The following FAM135A variants were observed in gnomAD, a reference collection of about 807,000 sequenced individuals.
FAM135A encodes the protein protein FAM135A.
In FAM135A, 79 loss-of-function variants were observed where a neutral mutation model predicts 146.8. That is an observed-to-expected ratio of 0.54 (90% CI 0.45 to 0.65). FAM135A has a LOEUF of 0.65. Ranked by LOEUF, FAM135A falls within the 30% of genes least tolerant of loss-of-function variation. The pLI is 0.00. For synonymous variants in FAM135A, 562 were observed against 603.6 expected (o/e 0.93, Z 1.01); for missense variants, 1,623 against 1,758.2 (o/e 0.92, Z 1.38).
At position 70,475,661 on chromosome 6, in the gene FAM135A, A is replaced by C; in HGVS notation, c.298-2A>C. ...GTATCTCATAGTGTAATTTCTTTTC[A>C]GATTGAAGAAACCCTTGAGGAAATG... is the stretch of plus-strand genomic sequence containing the variant. On this transcript the variant is annotated splice_acceptor_variant, in intron 6 of 21. Transcript: ENST00000418814. LOFTEE classifies it high-confidence loss of function. 6.2e-7 allele frequency: 1 copy of C among 1,607,670 alleles called. No individual in the cohort carries two copies. Among genetic ancestry groups the C allele is most frequent in the Non-Finnish European group, 8.5e-7 (1 of 1,177,396 alleles).
At chr6:70,487,353 A>G (rs1274149896) in intron 10 of FAM135A, among the ~76,000 whole-genome samples, 1 of 152,138 alleles carries the variant, frequency 6.6e-6, no homozygotes, top group East Asian at 1.9e-4. Flanking sequence ...ATAATTTATT[A>G]TCTATGAGTA....
chr6:70,434,343 G>A lies in FAM135A; in HGVS notation c.77+5924G>A, dbSNP rs1351954904. Among the ~76,000 whole-genome samples, 12 of 152,264 alleles carry A rather than the reference G, an allele frequency of 7.9e-5. No individual in the cohort carries two copies. The East Asian group carries it at 1.5e-3, about 20-fold the overall frequency. On this transcript the variant is annotated intron_variant, in intron 4 of 21. Transcript: ENST00000418814. ...AAGTGGGGGAAATTTTTCTTTGTTT[G>A]GAGATGATTGCAAAATTGTTGAAGT...
intron 5 of FAM135A, among the ~76,000 whole-genome samples, chr6:70,458,166 TAGA>T (rs1405194421): frequency 2.6e-5 from 4 of 152,126 alleles, no homozygotes; most frequent in South Asian, 2.1e-4. Context: ...TAGAAGTTTT[TAGA>T]AGATTATATA....
intron 2 of FAM135A, among the ~76,000 whole-genome samples, chr6:70,423,789 A>C (rs1769392679): frequency 6.6e-6 from 1 of 152,180 alleles, no homozygotes; most frequent in Non-Finnish European, 1.5e-5. Context: ...TGTTGATAAT[A>C]TTCCTATATT....
chr6:70,422,171 G>T (rs1768992849), intron 2 of FAM135A, among the ~76,000 whole-genome samples: 1 of 151,936 alleles, frequency 6.6e-6, no homozygotes, highest in Admixed American at 6.6e-5. Flanking sequence ...TCACCTTTAG[G>T]GACAAAAAAG....
chr6:70,470,949 C>A (rs1487675211), intron 5 of FAM135A, among the ~76,000 whole-genome samples: 3 of 152,060 alleles, frequency 2.0e-5, no homozygotes, highest in Non-Finnish European at 4.4e-5. Flanking sequence ...AAATAAGAAA[C>A]AAATTTATCA....
In FAM135A at chr6:70,559,808, T is replaced by A; in HGVS notation, c.4435T>A (p.Leu1479Met). 2 of 1,614,144 alleles carry A rather than the reference T, an allele frequency of 1.2e-6. No individual in the cohort carries two copies. Among genetic ancestry groups the A allele is most frequent in the Non-Finnish European group, 1.7e-6 (2 of 1,179,996 alleles). ...GGTTCGCTATAATGTCATCAATGCA[T>A]TGCCCAATACAGCTGATTCACTCAT... ...NLVRYNVINALPNTADSLIGR... is the reference protein window; with the variant it reads ...NLVRYNVINAMPNTADSLIGR... The change falls in exon 22 of 22, where the codon TTG becomes ATG. Residue 1479 changes from leucine to methionine, a missense_variant. By Grantham distance (15) the Leu-to-Met change is conservative. Transcript: ENST00000418814.
rs574415039 is a variant in FAM135A, at chr6:70,525,797, A to C, written c.2713A>C (p.Asn905His). ...QSVVFSGNLD[N>H]ETVAIHSLNS... ...TGTTGTATTTTCAGGGAACTTGGAC[A>C]ATGAAACTGTAGCAATACATTCCTT... is the stretch of plus-strand genomic sequence containing the variant. Residue 905 changes from asparagine to histidine, a missense_variant, in exon 15 of 22, where the codon AAT (asparagine) becomes CAT (histidine). Around this residue, in one of 7 missense-constraint regions of FAM135A, gnomAD observed 1,061 missense variants for 1,113.8 expected, o/e 0.95. Coordinates refer to ENST00000418814, the MANE Select transcript of FAM135A (RefSeq NM_001162529.3). 13 of 1,613,294 alleles carry C rather than the reference A, an allele frequency of 8.1e-6. 1 individual carries two copies. The Admixed American group carries it at 1.7e-4, about 21-fold the overall frequency.
intron 20 of FAM135A, among the ~76,000 whole-genome samples, chr6:70,550,017 G>A (rs1180276895): frequency 6.6e-6 from 1 of 152,126 alleles, no homozygotes; most frequent in African/African-American, 2.4e-5. Flanking sequence ...TCATCTATAA[G>A]AAGCAACTCT....
chr6:70,552,658 C>G (rs991623260), intron 20 of FAM135A, among the ~76,000 whole-genome samples: 5 of 151,746 alleles, frequency 3.3e-5, no homozygotes, highest in African/African-American at 1.2e-4. Context: ...TTGGTAGAGA[C>G]GGGGTTTCAC....
chr6:70,536,643 A>AT (rs893818532), intron 19 of FAM135A, among the ~76,000 whole-genome samples: 2 of 152,068 alleles, frequency 1.3e-5, no homozygotes, highest in African/African-American at 2.4e-5. Flanking sequence ...TCACAAGAGC[A>AT]TTTTTTTCTT....
intron 15 of FAM135A, 152 bp from the exon 16 acceptor site, chr6:70,528,140 G>C: frequency 1.8e-6 from 1 of 569,974 alleles, no homozygotes; most frequent in Non-Finnish European, 2.9e-6. Flanking sequence ...ATTACTCTCT[G>C]ATTTCTAAAT....
chr6:70,517,452 C>G (rs916504520), intron 12 of FAM135A, among the ~76,000 whole-genome samples: 1 of 121,724 alleles, frequency 8.2e-6, no homozygotes, highest in African/African-American at 3.1e-5. Context: ...GAGTTTTGCT[C>G]TTGTCACCCA....
intron 4 of FAM135A, among the ~76,000 whole-genome samples, chr6:70,434,261 TA>T (rs1417544467): frequency 3.9e-5 from 6 of 152,212 alleles, no homozygotes; most frequent in Non-Finnish European, 8.8e-5. Flanking sequence ...CTCATTGGCA[TA>T]AAGGATAAGA....
At chr6:70,414,525 A>G (rs1047365307) in intron 1 of FAM135A, among the ~76,000 whole-genome samples, 22 of 91,048 alleles carry the variant, frequency 2.4e-4, no homozygotes, top group African/African-American at 8.3e-4. Context: ...TCCCCCCCCC[A>G]TTTGTATAAG....
chr6:70,550,903 C>G (rs764703856), intron 20 of FAM135A, among the ~76,000 whole-genome samples: 3 of 152,220 alleles, frequency 2.0e-5, no homozygotes, highest in Non-Finnish European at 4.4e-5. Flanking sequence ...CATAGCTTCT[C>G]CATCAGCACT....
intron 5 of FAM135A, among the ~76,000 whole-genome samples, chr6:70,471,282 G>A (rs556917000): frequency 3.5e-4 from 54 of 152,218 alleles, no homozygotes; most frequent in African/African-American, 1.2e-3. Context: ...ATGGATCATA[G>A]GATTTAAGAT....
Sources: gnomAD v4.1 joint callset for allele counts (sites outside exome capture counted in the v4.1 genomes callset) on GRCh38, gnomAD v4.1.1 for gene constraint, gnomAD v4.1.1 regional missense constraint, MANE v1.5 for transcripts, NCBI Gene and HGNC (gene_info 2026-07-23, HGNC 2026-07-21) for gene names.